Variants in CTNNA2 observed in about 807,000 individuals in gnomAD.
CTNNA2 encodes the protein catenin alpha-2.
A neutral mutation model predicts 101.0 loss-of-function variants in CTNNA2; 42 were observed. The ratio of observed to expected loss-of-function variants is 0.42; its 90% confidence interval spans 0.32 to 0.54. The LOEUF (loss-of-function observed/expected upper bound fraction) is 0.54, where lower values mean the gene tolerates loss of function less well. CTNNA2 is among the 20% of genes least tolerant of loss of function. The probability of loss-of-function intolerance (pLI) is 0.14; values close to 1 mark genes in which losing one functional copy is unlikely to be tolerated. For missense variants in CTNNA2, 871 were observed against 1,223.1 expected, an observed-to-expected ratio of 0.71 and a Z score of 4.29; for synonymous variants, 450 against 456.4, an observed-to-expected ratio of 0.99 and a Z score of 0.18.
At chr2:79,891,546 G>A (rs574103023) in intron 6 of CTNNA2, among the ~76,000 whole-genome samples, 12 of 152,232 alleles carry the variant, frequency 7.9e-5, no homozygotes, top group African/African-American at 2.9e-4. Flanking sequence ...CTGATGGAGC[G>A]GTAGGTCTCT....
intron 3 of CTNNA2, among the ~76,000 whole-genome samples, chr2:79,787,092 T>C (rs2105230663): frequency 6.6e-6 from 1 of 152,310 alleles, no homozygotes; most frequent in South Asian, 2.1e-4. Context: ...TAAAGAATTG[T>C]GTCCAAAACC....
At chr2:79,945,196 C>T (rs1291605222) in intron 7 of CTNNA2, among the ~76,000 whole-genome samples, 3 of 152,062 alleles carry the variant, frequency 2.0e-5, no homozygotes, top group Admixed American at 6.6e-5. Flanking sequence ...GCATGCACCA[C>T]CACACCTGGA....
intron 7 of CTNNA2, among the ~76,000 whole-genome samples, chr2:80,005,299 A>G (rs1013883838): frequency 1.3e-5 from 2 of 152,176 alleles, no homozygotes; most frequent in Admixed American, 6.6e-5. Flanking sequence ...GGGGATTCAC[A>G]TATTTAAAAT....
At chr2:79,416,538 A>G (rs12467815) in intron 4 of CTNNA2, among the ~76,000 whole-genome samples, 49,620 of 151,816 alleles carry the variant, frequency 0.33, 8,355 homozygotes, top group South Asian at 0.47. Context: ...AAAACCCCAC[A>G]TTCCAAAATG....
Position 79,203,174 on chromosome 2 carries a change from G to A in CTNNA2, c.-406+5098G>A, listed in dbSNP as rs186733998. On this transcript the variant is annotated intron_variant, in intron 2 of 21. Transcript: ENST00000466387. ...GCTTCCCACAGCTCTGGGGTTGCAT[G>A]TTTTCTCCTCTTTGAAAGTTGGCAG... 3.9e-5 allele frequency among the ~76,000 whole-genome samples: 6 copies of A among 152,218 alleles called. No individual in the cohort carries two copies. In the East Asian group the frequency reaches 7.7e-4, roughly 20 times the overall value.
chr2:79,847,819 C>T (rs539703480), intron 3 of CTNNA2, among the ~76,000 whole-genome samples: 5 of 152,056 alleles, frequency 3.3e-5, no homozygotes, highest in African/African-American at 4.8e-5. Context: ...TGAATGCTGC[C>T]GTCTCTTTGA....
intron 15 of CTNNA2, among the ~76,000 whole-genome samples, chr2:80,602,274 T>C (rs1407025125): frequency 2.0e-5 from 3 of 152,086 alleles, no homozygotes; most frequent in Non-Finnish European, 4.4e-5. Context: ...TTTCATTCTT[T>C]GTCTACAATA....
chr2:79,971,656 G>T lies in CTNNA2; in HGVS notation c.1056+61859G>T, dbSNP rs528737150. ...GCAGAGGGATTTGAACTCAGGTTTG[G>T]TTGCATGAAGAGCTATGTTGTACTT... On this transcript the variant is annotated intron_variant, in intron 7 of 18. Transcript: ENST00000402739. Among the ~76,000 whole-genome samples the T allele has an allele frequency of 2.0e-5, 3 of 152,208 alleles. No individual in the cohort carries two copies. In the South Asian group the frequency reaches 6.2e-4, roughly 31 times the overall value.
chr2:79,303,028 C>T (rs745480860), intron 2 of CTNNA2, among the ~76,000 whole-genome samples: 3 of 152,198 alleles, frequency 2.0e-5, no homozygotes, highest in Non-Finnish European at 4.4e-5. Flanking sequence ...CCAAATGAAT[C>T]TGTGCCCAGT....
chr2:79,211,406 A>G (rs1274959896), intron 2 of CTNNA2, among the ~76,000 whole-genome samples: 1 of 152,172 alleles, frequency 6.6e-6, no homozygotes, highest in East Asian at 1.9e-4. Context: ...AAAGCTGTTT[A>G]TTTCACCTGG....
At chr2:80,284,623 AC>A (rs113879810) in intron 7 of CTNNA2, among the ~76,000 whole-genome samples, 5,771 of 125,864 alleles carry the variant, frequency 0.046, 339 homozygotes, top group African/African-American at 0.24. Context: ...ATTCAATCAC[AC>A]ATTTTTTTTT....
chr2:79,776,239 A>G (rs1673953476), intron 3 of CTNNA2, among the ~76,000 whole-genome samples: 1 of 145,574 alleles, frequency 6.9e-6, no homozygotes, highest in South Asian at 2.1e-4. Flanking sequence ...ATTGGTGTCT[A>G]ATAAATTCCA....
intron 7 of CTNNA2, among the ~76,000 whole-genome samples, chr2:79,959,531 C>G (rs531123909): frequency 1.1e-4 from 17 of 152,180 alleles, no homozygotes; most frequent in Non-Finnish European, 2.4e-4. Context: ...TGCCTTGCCT[C>G]TATGTGAAAA....
At chr2:80,602,396 G>A (rs866557148) in intron 15 of CTNNA2, among the ~76,000 whole-genome samples, 1 of 151,988 alleles carries the variant, frequency 6.6e-6, no homozygotes, top group African/African-American at 2.4e-5. Context: ...ACGTTCATGA[G>A]GAAGCATTTT....
At chr2:80,531,402 A>G (rs1690529095) in intron 9 of CTNNA2, among the ~76,000 whole-genome samples, 2 of 152,198 alleles carry the variant, frequency 1.3e-5, no homozygotes, top group Admixed American at 6.5e-5. Flanking sequence ...AAGGAAGTGG[A>G]TATCCAAGAA....
At chr2:79,376,801 C>A (rs1677981527) in intron 4 of CTNNA2, among the ~76,000 whole-genome samples, 1 of 152,154 alleles carries the variant, frequency 6.6e-6, no homozygotes, top group South Asian at 2.1e-4. Context: ...CATGTCCCTA[C>A]AAAGTACATG....
At chr2:80,148,010 T>C (rs1388287050) in intron 7 of CTNNA2, among the ~76,000 whole-genome samples, 2 of 152,220 alleles carry the variant, frequency 1.3e-5, no homozygotes, top group Admixed American at 1.3e-4. Context: ...TAAGAGTAAG[T>C]ACTGCTTAAC....
At chr2:80,054,083 A>G (rs921328717) in intron 7 of CTNNA2, among the ~76,000 whole-genome samples, 1 of 152,338 alleles carries the variant, frequency 6.6e-6, no homozygotes, top group Admixed American at 6.5e-5. Flanking sequence ...AACTAGAGGC[A>G]TAAAGAAAAT....
chr2:80,332,679 G>T (rs1355306607), intron 7 of CTNNA2, among the ~76,000 whole-genome samples: 1 of 152,228 alleles, frequency 6.6e-6, no homozygotes, highest in Non-Finnish European at 1.5e-5. Context: ...AGACGAGTTA[G>T]AGAGCAGGCA....
Sources: gnomAD v4.1 joint callset for allele counts (sites outside exome capture counted in the v4.1 genomes callset) on GRCh38, gnomAD v4.1.1 for gene constraint, MANE v1.5 for transcripts, NCBI Gene and HGNC (gene_info 2026-07-23, HGNC 2026-07-21) for gene names.